Variants in TOX observed in about 807,000 individuals in gnomAD.
TOX encodes thymocyte selection-associated high mobility group box protein TOX.
In TOX, 11 loss-of-function variants were observed where a neutral mutation model predicts 53.7. The observed-to-expected ratio is 0.20, with a 90% confidence interval of 0.13 to 0.34. The LOEUF (loss-of-function observed/expected upper bound fraction) is 0.34, where lower values mean the gene tolerates loss of function less well. TOX is among the 10% of genes least tolerant of loss of function. The pLI, the probability that TOX is intolerant of heterozygous loss-of-function variation, is 1.00. For synonymous variants in TOX, 225 were observed against 245.3 expected (o/e 0.92, Z 0.77); for missense variants, 570 against 664.6 (o/e 0.86, Z 1.56).
chr8:59,000,956 G>A (rs574874047), intron 1 of TOX, among the ~76,000 whole-genome samples: 2 of 142,484 alleles, frequency 1.4e-5, no homozygotes, highest in African/African-American at 4.9e-5. Context: ...TTGTATCTCT[G>A]ATTTACTATC....
At chr8:58,970,786 C>T (rs963585970) in intron 1 of TOX, among the ~76,000 whole-genome samples, 1 of 152,208 alleles carries the variant, frequency 6.6e-6, no homozygotes, top group African/African-American at 2.4e-5. Context: ...AAATGAATCA[C>T]ATAAATCCAG....
At chr8:58,837,532 A>G (rs761620272) in intron 5 of TOX, among the ~76,000 whole-genome samples, 13 of 152,166 alleles carry the variant, frequency 8.5e-5, no homozygotes, top group African/African-American at 3.1e-4. Context: ...AGGGCAATAC[A>G]TGAGAGAAGG....
At chr8:58,910,549 T>C (rs1811891591) in intron 3 of TOX, among the ~76,000 whole-genome samples, 1 of 152,222 alleles carries the variant, frequency 6.6e-6, no homozygotes. Context: ...GCTCATATTT[T>C]GTTGGGGCAT....
intron 4 of TOX, among the ~76,000 whole-genome samples, chr8:58,843,927 C>T (rs1445352789): frequency 1.3e-5 from 2 of 152,148 alleles, no homozygotes; most frequent in African/African-American, 2.4e-5. Flanking sequence ...ATGTCAGTAA[C>T]GGATGCACTT....
At chr8:58,810,386 G>A (rs991730154) in intron 7 of TOX, among the ~76,000 whole-genome samples, 27 of 151,864 alleles carry the variant, frequency 1.8e-4, no homozygotes, top group African/African-American at 6.5e-4. Context: ...TGTCACCCAG[G>A]CTGGAGTGCA....
At chr8:59,057,429 T>C (rs542091402) in intron 1 of TOX, among the ~76,000 whole-genome samples, 2 of 152,290 alleles carry the variant, frequency 1.3e-5, no homozygotes, top group East Asian at 1.9e-4. Context: ...TTATTGTGTA[T>C]AAAATGTGTA....
intron 3 of TOX, among the ~76,000 whole-genome samples, chr8:58,873,957 GCTTT>G (rs1811239286): frequency 2.3e-5 from 1 of 43,992 alleles, no homozygotes; most frequent in African/African-American, 3.1e-4. Flanking sequence ...ATGCCAGGAA[GCTTT>G]TTTTTTTTTT....
chr8:58,841,667 T>TA (rs1265716168), intron 4 of TOX, among the ~76,000 whole-genome samples: 1 of 152,228 alleles, frequency 6.6e-6, no homozygotes, highest in African/African-American at 2.4e-5. Flanking sequence ...GTTCTCATTT[T>TA]AAAAAAAGTG....
At chr8:58,838,997 G>A (rs1810597600) in intron 4 of TOX, among the ~76,000 whole-genome samples, 1 of 152,130 alleles carries the variant, frequency 6.6e-6, no homozygotes, top group South Asian at 2.1e-4. Context: ...ACCGTGCCCA[G>A]CCATCCTTGT....
chr8:58,868,216 G>A (rs938266803), intron 3 of TOX, among the ~76,000 whole-genome samples: 5 of 152,126 alleles, frequency 3.3e-5, no homozygotes, highest in African/African-American at 4.8e-5. Flanking sequence ...CCATGATTGT[G>A]AGGCCTCCCC....
intron 1 of TOX, among the ~76,000 whole-genome samples, chr8:58,982,645 C>T (rs1260880786): frequency 6.6e-6 from 1 of 152,210 alleles, no homozygotes; most frequent in African/African-American, 2.4e-5. Context: ...CCAGTTCAAT[C>T]CCAATCTATG....
At chr8:59,049,217 A>ATTTT (rs1436970266) in intron 1 of TOX, among the ~76,000 whole-genome samples, 2 of 152,168 alleles carry the variant, frequency 1.3e-5, no homozygotes, top group African/African-American at 4.8e-5. Context: ...AGGGACCAAA[A>ATTTT]AATCAGTTAA....
rs1379499025 is a variant in TOX, at chr8:58,815,310, ACT to A, written c.1392+26_1392+27del. 1.9e-6 allele frequency: 3 copies of A among 1,557,852 alleles called. No homozygotes were observed. The Admixed American group carries it at 5.4e-5, about 28-fold the overall frequency. ...ACCACACTTCAGAATAGGGGTGCAC[ACT>A]CTAAGTCCAGAGCCATTGCACTTAC... On this transcript the variant is annotated intron_variant, in intron 7 of 8. Coordinates refer to ENST00000361421, the MANE Select transcript of TOX (RefSeq NM_014729.3).
At chr8:59,116,319 T>C (rs1293204090) in intron 1 of TOX, among the ~76,000 whole-genome samples, 3 of 152,250 alleles carry the variant, frequency 2.0e-5, no homozygotes, top group Non-Finnish European at 4.4e-5. Context: ...AAGATTTACT[T>C]TGCAGTATTG....
Position 58,815,629 on chromosome 8 carries a change from C to T in TOX, c.1101G>A (p.Ser367=), listed in dbSNP as rs781245147. ...GATAGTGGGAACTTAGGTACAGGGC[C>T]GAGTGGGCCTGGCTGGGCCCATGGA... ...SVFHGPSQAH[S]ALYLSSHYHQ... is the part of the protein sequence containing the mutation. Residue 367 remains serine, a synonymous_variant, in exon 7 of 9, where the codon TCG becomes TCA. Transcript: ENST00000361421. 22 of 1,613,920 alleles carry T rather than the reference C, an allele frequency of 1.4e-5. No individual in the cohort carries two copies. Among genetic ancestry groups the T allele is most frequent in the African/African-American group, 2.7e-5 (2 of 74,858 alleles).
At chr8:58,889,595 A>G (rs75850517) in intron 3 of TOX, among the ~76,000 whole-genome samples, 4,081 of 152,216 alleles carry the variant, frequency 0.027, 83 homozygotes, top group Non-Finnish European at 0.044. Context: ...TAAATTTAGA[A>G]AAAAACAGAA....
intron 1 of TOX, among the ~76,000 whole-genome samples, chr8:59,047,203 G>GTTTTTT (rs10551461): frequency 7.4e-4 from 33 of 44,686 alleles, no homozygotes; most frequent in Middle Eastern, 0.015. Flanking sequence ...ACCAAGAATT[G>GTTTTTT]TTTTTTTTTT....
intron 1 of TOX, among the ~76,000 whole-genome samples, chr8:58,993,172 G>A (rs1259221811): frequency 2.6e-5 from 4 of 152,090 alleles, no homozygotes; most frequent in African/African-American, 4.8e-5. Context: ...AACAGTGAAG[G>A]GTTTCCTAGC....
At chr8:58,860,619 G>T (rs1810994512) in intron 3 of TOX, among the ~76,000 whole-genome samples, 1 of 152,186 alleles carries the variant, frequency 6.6e-6, no homozygotes, top group Non-Finnish European at 1.5e-5. Flanking sequence ...GGTCCCTGGT[G>T]AGCCACTGAC....
Sources: allele counts gnomAD v4.1 joint callset (sites outside exome capture counted in the v4.1 genomes callset), GRCh38; gene constraint gnomAD v4.1.1; transcripts MANE v1.5; gene names NCBI Gene and HGNC (gene_info 2026-07-23, HGNC 2026-07-21).